The following ZNF219 variants were observed in gnomAD, a reference collection of about 807,000 sequenced individuals.
The protein encoded by ZNF219 is zinc finger protein 219.
Under a neutral mutation model 54.4 loss-of-function variants are expected in ZNF219, and 17 were observed. That is an observed-to-expected ratio of 0.31 (90% CI 0.21 to 0.47). The LOEUF (loss-of-function observed/expected upper bound fraction) is 0.47, where lower values mean the gene tolerates loss of function less well. Among genes scored for constraint, ZNF219 ranks in the 20% least tolerant of loss-of-function variants. The pLI is 1.00. For missense variants in ZNF219, 1,014 were observed against 1,062.3 expected (o/e 0.95, Z 0.63); for synonymous variants, 518 against 476.4 (o/e 1.09, Z -1.14).
upstream of ZNF219, chr14:21,102,785 G>C (rs1889731400): frequency 5.8e-6 from 9 of 1,547,850 alleles, no homozygotes; most frequent in Non-Finnish European, 7.8e-6. Flanking sequence ...AGGAGGTATG[G>C]GGGCAGGGAA....
upstream of ZNF219, chr14:21,102,725 G>T: frequency 6.4e-7 from 1 of 1,551,468 alleles, no homozygotes. Flanking sequence ...TGCTGAGCCA[G>T]AGGAAACCAG....
chr14:21,092,850 A>T lies in ZNF219; in HGVS notation c.447T>A (p.Thr149=). 1 of 1,562,804 alleles carries T rather than the reference A, an allele frequency of 6.4e-7. No homozygotes were observed. The highest frequency in any genetic ancestry group is 8.7e-7 in the Non-Finnish European group (1 of 1,154,724). ...GAGCCTGGGGCCGCGCCAGACCCTC[A>T]GTGGCAGGGGTGGCCTGCATGCCCC... ...SSGGMQATPA[T]EGLARPQAPS... is the part of the protein sequence containing the mutation. Residue 149 remains threonine, a synonymous_variant, in exon 3 of 5, where the codon ACT becomes ACA. Coordinates refer to ENST00000360947, the MANE Select transcript of ZNF219 (RefSeq NM_016423.3).
In ZNF219 at chr14:21,092,536, C is replaced by G; in HGVS notation, c.761G>C (p.Arg254Pro). The change falls in exon 3 of 5, where the codon CGT (arginine) becomes CCT (proline). Residue 254 changes from arginine (R) to proline (P), a missense_variant. By Grantham distance (103) the Arg-to-Pro change is moderately radical. This residue lies in a region of ZNF219 where 395 missense variants were observed against 415.1 expected (regional missense o/e 0.95). Coordinates refer to ENST00000360947, the MANE Select transcript of ZNF219 (RefSeq NM_016423.3). ...PQPEPEPEPE[R>P]EATPTPAPAA... is the part of the protein sequence containing the mutation. The stretch of plus-strand genomic sequence containing the variant: ...AGGAGCTGGGGTCGGGGTTGCCTCA[C>G]GTTCGGGCTCCGGCTCCGGCTCCGG... 6.5e-7 allele frequency: 1 copy of G among 1,549,282 alleles called. No individual in the cohort carries two copies. Among genetic ancestry groups the G allele is most frequent in the East Asian group, 2.4e-5 (1 of 40,930 alleles).
chr14:21,092,403 G>A lies in ZNF219; in HGVS notation c.894C>T (p.Ala298=). The A allele has an allele frequency of 1.3e-6, 2 of 1,569,230 alleles. No individual in the cohort carries two copies. Among genetic ancestry groups the A allele is most frequent in the South Asian group, 2.3e-5 (2 of 85,686 alleles). Residue 298 remains alanine (A), a synonymous_variant, in exon 3 of 5, where the codon GCC becomes GCT. Coordinates refer to ENST00000360947, the MANE Select transcript of ZNF219 (RefSeq NM_016423.3). ...ACACCGGACACGCATGATCGAAGGA[G>A]GCCTTGTGCTTACGCATGTGGCCCT... ...FLKGHMRKHK[A]SFDHACPVCG... is the part of the protein sequence containing the mutation.
At chr14:21,102,627 C>T, upstream of ZNF219, 3 of 1,551,362 alleles carry the variant, frequency 1.9e-6, no homozygotes, top group Non-Finnish European at 2.6e-6. Context: ...CCCTGTCTAC[C>T]TGCAGCATGC....
rs1269227989 is a variant in ZNF219, at chr14:21,092,038, C to T, written c.1259G>A (p.Arg420Gln). ...LSSALPARARRHRAEEPEEEE... is the reference protein window; with the variant it reads ...LSSALPARARQHRAEEPEEEE... ...TTCCTCAGGCTCCTCCGCACGGTGC[C>T]GGCGAGCCCGGGCCGGGAGAGCAGA... The change falls in exon 3 of 5, where the codon CGG becomes CAG. Residue 420 changes from arginine (R) to glutamine (Q), a missense_variant. Physicochemically the swap from Arg to Gln is conservative, Grantham distance 43. This residue lies in a region of ZNF219 where 272 missense variants were observed against 248.9 expected (regional missense o/e 1.09). Transcript: ENST00000360947. 3.2e-6 allele frequency: 5 copies of T among 1,547,578 alleles called. No homozygotes were observed. The highest frequency in any genetic ancestry group is 3.5e-6 in the Non-Finnish European group (4 of 1,146,124).
chr14:21,099,038 C>T, upstream of ZNF219: 1 of 288,368 alleles, frequency 3.5e-6, no homozygotes, highest in Non-Finnish European at 6.6e-6. Context: ...GCCTTCCTCT[C>T]GAATTCTATT....
upstream of ZNF219, chr14:21,101,221 T>C (rs1889604316): frequency 1.3e-4 from 116 of 860,742 alleles, no homozygotes; most frequent in South Asian, 1.8e-3. Context: ...TCCCTGGATA[T>C]TGGGAGTGGG....
At chr14:21,100,532 G>GAGAT (rs3062000), upstream of ZNF219, among the ~76,000 whole-genome samples, 82,916 of 150,100 alleles carry the variant, frequency 0.55, 23,332 homozygotes, top group Middle Eastern at 0.63. Flanking sequence ...TGAGGACCAT[G>GAGAT]AGATAGATAG....
At chr14:21,097,265 T>A (rs915559566) in intron 1 of ZNF219, 1 of 152,236 alleles carries the variant, frequency 6.6e-6, no homozygotes, top group African/African-American at 2.4e-5. Flanking sequence ...GTTAGGGACA[T>A]GGAACCTCAG....
chr14:21,102,942 C>A, upstream of ZNF219: 1 of 1,356,310 alleles, frequency 7.4e-7, no homozygotes, highest in Non-Finnish European at 9.9e-7. Context: ...CATTTCTCCC[C>A]TAATGGTGGG....
At chr14:21,097,255 G>C (rs1594604715) in intron 1 of ZNF219, 1 of 152,282 alleles carries the variant, frequency 6.6e-6, no homozygotes, top group Non-Finnish European at 1.5e-5. Flanking sequence ...ACTCTCCTGA[G>C]TTAGGGACAT....
chr14:21,097,086 C>T (rs181812225), intron 1 of ZNF219, among the ~76,000 whole-genome samples: 1 of 152,298 alleles, frequency 6.6e-6, no homozygotes, highest in African/African-American at 2.4e-5. Context: ...AAAAGACTAC[C>T]TTGATCACAC....
chr14:21,094,075 TA>T (rs1451193999), intron 1 of ZNF219, among the ~76,000 whole-genome samples: 1 of 152,178 alleles, frequency 6.6e-6, no homozygotes, highest in Non-Finnish European at 1.5e-5. Flanking sequence ...CTGAGATCCC[TA>T]ACTGAGCAGC....
Position 21,092,030 on chromosome 14 carries a change from C to T in ZNF219, c.1267G>A (p.Ala423Thr), listed in dbSNP as rs753171440. 2 of 1,550,502 alleles carry T rather than the reference C, an allele frequency of 1.3e-6. No homozygotes were observed. The highest frequency in any genetic ancestry group is 1.7e-6 in the Non-Finnish European group (2 of 1,147,436). The change falls in exon 3 of 5, where the codon GCG becomes ACG. Residue 423 changes from alanine to threonine, a missense_variant. This residue lies in a region of ZNF219 where 272 missense variants were observed against 248.9 expected (regional missense o/e 1.09). Transcript: ENST00000360947. ...ALPARARRHRAEEPEEEEEVV... is the reference protein window; with the variant it reads ...ALPARARRHRTEEPEEEEEVV... ...TCCTCTTCTTCCTCAGGCTCCTCCG[C>T]ACGGTGCCGGCGAGCCCGGGCCGGG...
chr14:21,091,640 G>A (rs532653893), intron 3 of ZNF219, 98 bp from the exon 4 acceptor site: 4 of 1,500,460 alleles, frequency 2.7e-6, no homozygotes, highest in Admixed American at 2.3e-5. Flanking sequence ...GCTTCCCCTC[G>A]GGGTCCAGGA....
At chr14:21,104,498 C>G (rs973983762) in intron 1 of ZNF219, 1 of 152,240 alleles carries the variant, frequency 6.6e-6, no homozygotes, top group East Asian at 1.9e-4. Flanking sequence ...GCTGGAGTAC[C>G]AAGAGAACTC....
At chr14:21,093,495 A>G (rs1889099749) in intron 2 of ZNF219, 91 bp downstream of exon 2, 1 of 1,512,274 alleles carries the variant, frequency 6.6e-7, no homozygotes, top group African/African-American at 1.4e-5. Context: ...GTTAACTTCT[A>G]ATAATGGGAG....
upstream of ZNF219, chr14:21,102,446 G>T (rs1196681180): frequency 1.9e-6 from 3 of 1,551,652 alleles, no homozygotes; most frequent in Admixed American, 2.0e-5. Context: ...ACTTGATCTT[G>T]GGTTTCATAG....
Sources: allele counts gnomAD v4.1 joint callset (sites outside exome capture counted in the v4.1 genomes callset), GRCh38; gene constraint gnomAD v4.1.1; regional missense constraint gnomAD v4.1.1; transcripts MANE v1.5; gene names NCBI Gene and HGNC (gene_info 2026-07-23, HGNC 2026-07-21).